Variants in KIF2C observed in about 807,000 individuals in gnomAD.
The protein encoded by KIF2C is kinesin-like protein KIF2C.
In KIF2C, 34 loss-of-function variants were observed where a neutral mutation model predicts 97.4. The observed-to-expected ratio is 0.35, with a 90% CI of 0.27 to 0.46. KIF2C has a LOEUF of 0.46. KIF2C is among the 20% of genes least tolerant of loss of function. The pLI is 1.00. For synonymous variants in KIF2C, 313 were observed against 318.2 expected, an observed-to-expected ratio of 0.98 and a Z score of 0.17; for missense variants, 750 against 907.6, an observed-to-expected ratio of 0.83 and a Z score of 2.23.
At chr1:44,753,036 A>G in intron 5 of KIF2C, 96 bp from the exon 6 acceptor site, 2 of 1,440,796 alleles carry the variant, frequency 1.4e-6, no homozygotes, top group Non-Finnish European at 1.9e-6. Context: ...CCGAGCAGGC[A>G]GGTCGCTCTC....
chr1:44,759,379 C>A (rs1231276529), intron 14 of KIF2C, 31 bp downstream of exon 14: 2 of 1,612,176 alleles, frequency 1.2e-6, no homozygotes, highest in Admixed American at 1.7e-5. Context: ...AAGGAGCGAC[C>A]TTCTCATGTC....
intron 13 of KIF2C, among the ~76,000 whole-genome samples, chr1:44,758,878 AAATAAT>A (rs916933154): frequency 3.7e-4 from 57 of 152,148 alleles, no homozygotes; most frequent in African/African-American, 1.3e-3. Flanking sequence ...CTCCGTCTCA[AAATAAT>A]AATAATAATA....
rs753713928 is a variant in KIF2C, at chr1:44,767,114, C to T, written c.2113C>T (p.Arg705Cys). The part of the protein sequence containing the change: ...SALRDVIKAL[R>C]LAMQLEEQAS... ...TCTTCCAGATGTCATCAAGGCCTTGCGCCTGGCCATGCAGCTGGAAGAGCA... is the reference window on the plus strand; with the variant it reads ...TCTTCCAGATGTCATCAAGGCCTTGTGCCTGGCCATGCAGCTGGAAGAGCA... Residue 705 changes from arginine to cysteine, a missense_variant, in exon 21 of 21, where the codon CGC (arginine) becomes TGC (cysteine). Coordinates refer to ENST00000372224, the MANE Select transcript of KIF2C (RefSeq NM_006845.4). 1.4e-5 allele frequency: 23 copies of T among 1,614,018 alleles called. No individual in the cohort carries two copies. The highest frequency in any genetic ancestry group is 4.0e-5 in the African/African-American group (3 of 74,932).
chr1:44,748,112 AT>A (rs2148823730), intron 4 of KIF2C, among the ~76,000 whole-genome samples: 1 of 152,226 alleles, frequency 6.6e-6, no homozygotes, highest in East Asian at 1.9e-4. Context: ...ATAGAGAGGG[AT>A]GGCTGGGGCT....
At chr1:44,740,779 GTTT>G (rs11403922) in intron 1 of KIF2C, 131 bp from the exon 2 acceptor site, 2,117 of 249,452 alleles carry the variant, frequency 8.5e-3, no homozygotes, top group East Asian at 0.015. Flanking sequence ...GTTTCTCTTA[GTTT>G]TTTTTTTTTT....
intron 11 of KIF2C, 103 bp downstream of exon 11, chr1:44,757,749 A>G (rs938784810): frequency 5.6e-6 from 6 of 1,080,862 alleles, no homozygotes; most frequent in Non-Finnish European, 8.6e-6. Flanking sequence ...CTTGTTACAG[A>G]TGCCCCATCA....
chr1:44,764,158 C>G (rs1342342528), intron 19 of KIF2C, among the ~76,000 whole-genome samples: 1 of 152,030 alleles, frequency 6.6e-6, no homozygotes, highest in East Asian at 1.9e-4. Flanking sequence ...AGGTACCCCC[C>G]AAAATATGTA....
At position 44,758,107 on chromosome 1, in the gene KIF2C, CTA is replaced by C; in HGVS notation, c.1193_1194del (p.Tyr398CysfsTer13). 1.9e-6 allele frequency: 3 copies of C among 1,597,200 alleles called. No individual in the cohort carries two copies. The highest frequency in any genetic ancestry group is 2.6e-6 in the Non-Finnish European group (3 of 1,172,170). ...GCTACCGGAAGTTGGGCCTGGAAGT[CTA>C]TGTGACATTCTTCGAGATCTACAAT... Reference protein sequence around the residue: ...PCYRKLGLEVYVTFFEIYNGK... With the variant: ...PCYRKLGLEVXVTFFEIYNGK... On this transcript the variant is annotated frameshift_variant, in exon 13 of 21. Transcript: ENST00000372224. LOFTEE classifies it high-confidence loss of function.
At chr1:44,759,657 C>T (rs1279663431) in intron 14 of KIF2C, among the ~76,000 whole-genome samples, 1 of 152,088 alleles carries the variant, frequency 6.6e-6, no homozygotes, top group Non-Finnish European at 1.5e-5. Context: ...CACTGCACTC[C>T]AGTCTGCATG....
chr1:44,760,174 T>G lies in KIF2C; in HGVS notation c.1368-106T>G. Reference sequence around the variant, plus strand: ...GAAGCCTGGGACAGGAAAACAGGACTTTTTCGCCTCCTAACCTGTGTCCCT... The same window carrying G: ...GAAGCCTGGGACAGGAAAACAGGACGTTTTCGCCTCCTAACCTGTGTCCCT... On this transcript the variant is annotated intron_variant, in intron 14 of 20. Coordinates refer to ENST00000372224, the MANE Select transcript of KIF2C (RefSeq NM_006845.4). The surrounding 1 kb of genome is among the most constrained non-coding windows in gnomAD (Gnocchi z 4.2). The G allele has an allele frequency of 1.0e-6, 1 of 987,390 alleles. No homozygotes were observed. 61.2% of individuals were successfully genotyped at this position (987,390 alleles called of 1,614,324 possible).
At position 44,767,236 on chromosome 1, in the gene KIF2C, C is replaced by A. The variant is rs1041303794; in HGVS notation, c.*57C>A. ...ACCCAGCCTCTTCCCTGGCCCTCCCCAGAGAACTTTGGGTACCTGGTGGGT... is the reference window on the plus strand; with the variant it reads ...ACCCAGCCTCTTCCCTGGCCCTCCCAAGAGAACTTTGGGTACCTGGTGGGT... On this transcript the variant is annotated 3_prime_UTR_variant, in exon 21 of 21. Coordinates refer to ENST00000372224, the MANE Select transcript of KIF2C (RefSeq NM_006845.4). The A allele has an allele frequency of 6.5e-7, 1 of 1,529,012 alleles. No individual in the cohort carries two copies. The highest frequency in any genetic ancestry group is 9.0e-7 in the Non-Finnish European group (1 of 1,105,840). The allele number at this position is 1,529,012 out of a possible 1,614,324, so 94.7% of individuals were successfully genotyped here.
intron 14 of KIF2C, 93 bp downstream of exon 14, chr1:44,759,441 C>G (rs1650025513): frequency 6.6e-7 from 1 of 1,505,436 alleles, no homozygotes; most frequent in Non-Finnish European, 9.1e-7. Flanking sequence ...ACCCAGAGTG[C>G]TGCTTTGCCC....
intron 4 of KIF2C, among the ~76,000 whole-genome samples, chr1:44,748,887 C>T (rs1467091387): frequency 6.6e-6 from 1 of 151,768 alleles, no homozygotes; most frequent in Admixed American, 6.6e-5. Flanking sequence ...GCTTTGTTGC[C>T]TAAGCTGGTC....
At chr1:44,754,637 A>T (rs769238455) in intron 7 of KIF2C, 113 bp from the exon 8 acceptor site, 1 of 769,910 alleles carries the variant, frequency 1.3e-6, no homozygotes, top group Non-Finnish European at 2.4e-6. Context: ...CAGGGCAGGG[A>T]CTTTGACAAC....
rs1434707187 is a variant in KIF2C at position 44,760,492 on chromosome 1, G to A, written c.1572+8G>A. 3 of 1,613,702 alleles carry A rather than the reference G, an allele frequency of 1.9e-6. No individual in the cohort carries two copies. The African/African-American group carries it at 4.0e-5, about 22-fold the overall frequency. ...AGTCTCTTAGCCCTGAAGGTAGTGG[G>A]GCAGCTAGAGCTGGTTGGCCGGGAG... is the stretch of plus-strand genomic sequence containing the variant. On this transcript the variant is annotated splice_region_variant and intron_variant, in intron 15 of 20. Coordinates refer to ENST00000372224, the MANE Select transcript of KIF2C (RefSeq NM_006845.4). The surrounding 1 kb of genome is among the most constrained non-coding windows in gnomAD (Gnocchi z 4.2).
intron 5 of KIF2C, among the ~76,000 whole-genome samples, chr1:44,751,951 A>T (rs1457877114): frequency 4.9e-5 from 7 of 142,022 alleles, no homozygotes; most frequent in African/African-American, 8.0e-5. Flanking sequence ...CCTCCCGAGT[A>T]GCTAGGACTA....
chr1:44,745,199 A>C, intron 2 of KIF2C, among the ~76,000 whole-genome samples: 1 of 151,850 alleles, frequency 6.6e-6, no homozygotes, highest in East Asian at 1.9e-4. Flanking sequence ...CAAAAAAAAA[A>C]AAAAACCTCT....
chr1:44,760,264 C>A lies in KIF2C; in HGVS notation c.1368-16C>A, dbSNP rs1029988939. On this transcript the variant is annotated splice_polypyrimidine_tract_variant and intron_variant, in intron 14 of 20. Transcript: ENST00000372224. This position sits in a 1 kb window ranked among gnomAD's most constrained non-coding sequence, Gnocchi z 4.2. ...GGCTGGTGACCACAGAATCTCATAA[C>A]CTTTCTTTACCACAGAACCTCTGGG... 6.2e-7 allele frequency: 1 copy of A among 1,612,762 alleles called. No individual in the cohort carries two copies. Among genetic ancestry groups the A allele is most frequent in the Non-Finnish European group, 8.5e-7 (1 of 1,179,120 alleles).
intron 2 of KIF2C, among the ~76,000 whole-genome samples, chr1:44,742,730 AAAAAAAAC>A (rs1648997350): frequency 6.6e-6 from 1 of 151,888 alleles, no homozygotes; most frequent in South Asian, 2.1e-4. Context: ...AAAAAAAAAA[AAAAAAAAC>A]AAACTGCACA....
Sources: gnomAD v4.1 joint callset for allele counts (sites outside exome capture counted in the v4.1 genomes callset) on GRCh38, gnomAD v4.1.1 for gene constraint, Gnocchi (gnomAD v3.1) non-coding constraint, MANE v1.5 for transcripts, NCBI Gene and HGNC (gene_info 2026-07-23, HGNC 2026-07-21) for gene names.